Variants in ZC3H4 observed in about 807,000 individuals in gnomAD.
ZC3H4 encodes the protein zinc finger CCCH-type containing 4.
ZC3H4 carries 13 observed loss-of-function variants against 108.3 expected under a neutral mutation model. The observed-to-expected ratio is 0.12, with a 90% CI of 0.08 to 0.19. The LOEUF is 0.19. Among genes scored for constraint, ZC3H4 ranks in the 10% least tolerant of loss-of-function variants. The pLI, the probability that ZC3H4 is intolerant of heterozygous loss-of-function variation, is 1.00. For missense variants in ZC3H4, 1,734 were observed against 1,838.8 expected, an observed-to-expected ratio of 0.94 and a Z score of 1.04; for synonymous variants, 917 against 749.6, an observed-to-expected ratio of 1.22 and a Z score of -3.65.
In ZC3H4 at chr19:47,085,344, C is replaced by T. The variant is rs1273059792; in HGVS notation, c.941G>A (p.Arg314His). The T allele has an allele frequency of 3.1e-6, 5 of 1,601,798 alleles. No individual in the cohort carries two copies. The highest frequency in any genetic ancestry group is 1.1e-5 in the South Asian group (1 of 89,458). The change falls in exon 7 of 15, where the codon CGC (arginine) becomes CAC (histidine). Residue 314 changes from arginine (R) to histidine (H), a missense_variant. Around this residue, in one of 9 missense-constraint regions of ZC3H4, gnomAD observed 403 missense variants for 457.0 expected, o/e 0.88. Coordinates refer to ENST00000253048, the MANE Select transcript of ZC3H4 (RefSeq NM_015168.2). ...DEYSKELNQY[R>H]RSKDSRGRGL... is the part of the protein sequence containing the mutation. ...TCGGCCTCGGCTGTCCTTGGAGCGG[C>T]GGTACTGGTTCAGCTCCTTGGAGTA...
At chr19:47,082,431 G>A (rs2057541371) in intron 9 of ZC3H4, 136 bp from the exon 10 acceptor site, 2 of 687,784 alleles carry the variant, frequency 2.9e-6, no homozygotes, top group Middle Eastern at 4.9e-4. Flanking sequence ...CTTAGGAAAG[G>A]AAGACAGGTG....
At chr19:47,073,641 C>A (rs899109336) in intron 11 of ZC3H4, among the ~76,000 whole-genome samples, 1 of 152,170 alleles carries the variant, frequency 6.6e-6, no homozygotes, top group African/African-American at 2.4e-5. Context: ...ATGTAACCGC[C>A]ACCTCTATAT....
In ZC3H4 at chr19:47,086,458, G is replaced by GGCTGCC; in HGVS notation, c.790_795dup (p.Gly264_Ser265dup). 2 of 1,612,066 alleles carry GGCTGCC rather than the reference G, an allele frequency of 1.2e-6. No homozygotes were observed. The highest frequency in any genetic ancestry group is 1.7e-6 in the Non-Finnish European group (2 of 1,179,634). On this transcript the variant is annotated inframe_insertion, in exon 6 of 15. Coordinates refer to ENST00000253048, the MANE Select transcript of ZC3H4 (RefSeq NM_015168.2). ...CCCATAGAGCCTCTGCCCCTGCCTC[G>GGCTGCC]GCTGCCCCTGCCCATGCCGCGGCCT...
rs776636618 is a variant in ZC3H4 at position 47,090,049 on chromosome 19, G to GTCC, written c.630_632dup (p.Glu210dup). On this transcript the variant is annotated inframe_insertion, in exon 5 of 15. Coordinates refer to ENST00000253048, the MANE Select transcript of ZC3H4 (RefSeq NM_015168.2). ...AGTCGTCATAGTCCTCCTTGCCCAT[G>GTCC]TCCTCCTCCTCGTCGCCCTCATATT... 5 of 1,614,202 alleles carry GTCC rather than the reference G, an allele frequency of 3.1e-6. No homozygotes were observed. In the Admixed American group the frequency reaches 5.0e-5, roughly 16 times the overall value.
chr19:47,109,949 C>G (rs2058016717), intron 2 of ZC3H4, among the ~76,000 whole-genome samples: 1 of 152,054 alleles, frequency 6.6e-6, no homozygotes. Context: ...TACGTGGAGG[C>G]CGGGGGGACT....
chr19:47,096,828 CT>C, intron 2 of ZC3H4: 1 of 985,446 alleles, frequency 1.0e-6, no homozygotes, highest in Non-Finnish European at 1.2e-6. Context: ...TGACAAGAAA[CT>C]TGGTCCACAA....
At position 47,091,560 on chromosome 19, in the gene ZC3H4, C is replaced by T. The variant is rs189287435; in HGVS notation, c.493-1371G>A. ...CTGCACTCCAGCCTGGGCGACAGAGCGAGACTCTGTCTCAAAAAATAATTA... is the reference window on the plus strand; with the variant it reads ...CTGCACTCCAGCCTGGGCGACAGAGTGAGACTCTGTCTCAAAAAATAATTA... On this transcript the variant is annotated intron_variant, in intron 4 of 14. Coordinates refer to ENST00000253048, the MANE Select transcript of ZC3H4 (RefSeq NM_015168.2). Among the ~76,000 whole-genome samples, 31 of 149,410 alleles carry T rather than the reference C, an allele frequency of 2.1e-4. No individual in the cohort carries two copies. The East Asian group carries it at 6.2e-3, about 30-fold the overall frequency.
chr19:47,087,303 A>AC, intron 5 of ZC3H4, among the ~76,000 whole-genome samples: 1 of 151,744 alleles, frequency 6.6e-6, no homozygotes, highest in Non-Finnish European at 1.5e-5. Context: ...CACACAAAAA[A>AC]AAACCCAAAT....
At chr19:47,095,414 AG>A (rs2057805187) in intron 2 of ZC3H4, among the ~76,000 whole-genome samples, 1 of 152,178 alleles carries the variant, frequency 6.6e-6, no homozygotes, top group Non-Finnish European at 1.5e-5. Flanking sequence ...GAGCAGCTGG[AG>A]GAGGGGGGAC....
intron 2 of ZC3H4, among the ~76,000 whole-genome samples, chr19:47,095,152 G>A (rs2057801299): frequency 6.6e-6 from 1 of 152,210 alleles, no homozygotes; most frequent in South Asian, 2.1e-4. Context: ...AGTGAGCTGG[G>A]CGTCAGTGCC....
At chr19:47,080,162 G>A (rs932553089) in intron 11 of ZC3H4, among the ~76,000 whole-genome samples, 2 of 152,156 alleles carry the variant, frequency 1.3e-5, no homozygotes, top group Non-Finnish European at 2.9e-5. Flanking sequence ...GAACTAGAAG[G>A]CAGGAAAGCT....
intron 11 of ZC3H4, 53 bp downstream of exon 11, chr19:47,081,460 G>A (rs2122834731): frequency 1.4e-6 from 2 of 1,392,610 alleles, no homozygotes; most frequent in Middle Eastern, 2.1e-4. Context: ...AGGCAATGGA[G>A]TGCGCATGTC....
At chr19:47,091,879 C>A (rs1305326918) in intron 4 of ZC3H4, among the ~76,000 whole-genome samples, 2 of 151,606 alleles carry the variant, frequency 1.3e-5, no homozygotes, top group Admixed American at 6.6e-5. Context: ...GGCGACAGAG[C>A]GAGACTCCAT....
chr19:47,086,113 T>C (rs1189381122), intron 6 of ZC3H4, among the ~76,000 whole-genome samples: 1 of 152,204 alleles, frequency 6.6e-6, no homozygotes, highest in Non-Finnish European at 1.5e-5. Context: ...GTGATCCACC[T>C]GCCTCAGGCT....
rs1437112153 is a variant in ZC3H4, at chr19:47,064,913, G to GA, written c.*1442dup. The GA allele has an allele frequency of 3.9e-5, 6 of 152,234 alleles. No individual in the cohort carries two copies. The East Asian group carries it at 1.2e-3, about 29-fold the overall frequency. 9.4% of individuals were successfully genotyped at this position (152,234 alleles called of 1,614,324 possible). Reference sequence around the variant, plus strand: ...CCCCACCCTGAGGAGGAGGGAAGGGGAATCCCTTGGCAGGTAACTAGGTCT... The same window carrying GA: ...CCCCACCCTGAGGAGGAGGGAAGGGGAAATCCCTTGGCAGGTAACTAGGTCT... On this transcript the variant is annotated 3_prime_UTR_variant, in exon 15 of 15. Transcript: ENST00000253048.
intron 2 of ZC3H4, among the ~76,000 whole-genome samples, chr19:47,098,584 C>T (rs779720305): frequency 1.1e-4 from 17 of 151,350 alleles, no homozygotes; most frequent in Non-Finnish European, 1.6e-4. Context: ...GCCAACATGG[C>T]GAAACTCCGT....
chr19:47,075,098 C>A (rs2057396750), intron 11 of ZC3H4, among the ~76,000 whole-genome samples: 1 of 152,120 alleles, frequency 6.6e-6, no homozygotes, highest in Non-Finnish European at 1.5e-5. Context: ...CTTCTCCTAG[C>A]CATTAGCAAT....
At position 47,085,303 on chromosome 19, in the gene ZC3H4, C is replaced by T. The variant is rs750684151; in HGVS notation, c.967+15G>A. On this transcript the variant is annotated intron_variant, in intron 7 of 14. Coordinates refer to ENST00000253048, the MANE Select transcript of ZC3H4 (RefSeq NM_015168.2). The stretch of plus-strand genomic sequence containing the variant: ...CCTGCCCCACCCAGCGTGTCCTCTC[C>T]AGGCCCCTGCCCACCTCGGCCTCGG... 1.3e-6 allele frequency: 2 copies of T among 1,596,042 alleles called. No homozygotes were observed. The highest frequency in any genetic ancestry group is 2.3e-5 in the South Asian group (2 of 88,358).
In ZC3H4 at chr19:47,094,777, C is replaced by G. The variant is rs946823077; in HGVS notation, c.162-169G>C. Among the ~76,000 whole-genome samples, 5 of 152,280 alleles carry G rather than the reference C, an allele frequency of 3.3e-5. No homozygotes were observed. In the South Asian group the frequency reaches 1.0e-3, roughly 32 times the overall value. ...CTCTTGTTCCATCCCTTATCCTCCC[C>G]CTGAAAGAACTGTGCTTGCTCCAGT... is the stretch of plus-strand genomic sequence containing the variant. On this transcript the variant is annotated intron_variant, in intron 2 of 14. Transcript: ENST00000253048.
Sources: gnomAD v4.1 joint callset for allele counts (sites outside exome capture counted in the v4.1 genomes callset) on GRCh38, gnomAD v4.1.1 for gene constraint, gnomAD v4.1.1 regional missense constraint, MANE v1.5 for transcripts, NCBI Gene and HGNC (gene_info 2026-07-23, HGNC 2026-07-21) for gene names.